Variants in DNAH11 observed in about 807,000 individuals in gnomAD.
DNAH11 encodes axonemal beta dynein heavy chain 11.
A neutral mutation model predicts 526.0 loss-of-function variants in DNAH11; 442 were observed. The ratio of observed to expected loss-of-function variants is 0.84; its 90% confidence interval spans 0.78 to 0.91. DNAH11 has a LOEUF of 0.91. DNAH11 is among the 40% of genes least tolerant of loss of function. The pLI is 0.00. For missense variants in DNAH11, 6,989 were observed against 5,448.7 expected (o/e 1.28, Z -8.90); for synonymous variants, 2,461 against 1,935.9 (o/e 1.27, Z -7.12).
intron 65 of DNAH11, among the ~76,000 whole-genome samples, chr7:21,833,609 C>G (rs1303239553): frequency 6.6e-6 from 1 of 152,078 alleles, no homozygotes; most frequent in Non-Finnish European, 1.5e-5. Flanking sequence ...GCAGGAGAAT[C>G]GCTTGAACCC....
chr7:21,795,116 G>A (rs1484634139), intron 61 of DNAH11, among the ~76,000 whole-genome samples: 2 of 152,130 alleles, frequency 1.3e-5, no homozygotes, highest in Non-Finnish European at 1.5e-5. Context: ...CCTTTCTGGT[G>A]ACATCCCTTT....
chr7:21,587,995 A>G, intron 9 of DNAH11, 69 bp from the exon 10 acceptor site: 1 of 1,469,468 alleles, frequency 6.8e-7, no homozygotes, highest in East Asian at 2.3e-5. Context: ...TTTGAAGGGG[A>G]ACATTATGAG....
chr7:21,872,902 A>T (rs1583797519), intron 73 of DNAH11, among the ~76,000 whole-genome samples: 3 of 152,252 alleles, frequency 2.0e-5, no homozygotes, highest in Middle Eastern at 6.8e-3. Flanking sequence ...TATTTTCTCA[A>T]ACTAACCCCA....
At chr7:21,820,509 T>C (rs1177615679) in intron 65 of DNAH11, among the ~76,000 whole-genome samples, 1 of 152,176 alleles carries the variant, frequency 6.6e-6, no homozygotes, top group Admixed American at 6.6e-5. Flanking sequence ...CAGAGAGCCC[T>C]AATTTCAAAT....
chr7:21,621,474 A>G (rs1671140716), intron 25 of DNAH11, among the ~76,000 whole-genome samples: 1 of 152,198 alleles, frequency 6.6e-6, no homozygotes, highest in African/African-American at 2.4e-5. Flanking sequence ...TCATTTTATG[A>G]GGCCAGCATC....
rs77737654 is a variant in DNAH11, at chr7:21,629,562, C to A, written c.4501-6309C>A. Among the ~76,000 whole-genome samples, 641 of 152,144 alleles carry A rather than the reference C, an allele frequency of 4.2e-3. 8 individuals carry two copies. The highest frequency in any genetic ancestry group is 0.015 in the African/African-American group (615 of 41,536). Reference sequence around the variant, plus strand: ...TATCTTTCCCTTTATCCCTTTAGGTCTATTAATGTTTGTGTTATATACCTG... The same window carrying A: ...TATCTTTCCCTTTATCCCTTTAGGTATATTAATGTTTGTGTTATATACCTG... On this transcript the variant is annotated intron_variant, in intron 25 of 81. Transcript: ENST00000409508.
intron 74 of DNAH11, 136 bp from the exon 75 acceptor site, chr7:21,880,566 G>A: frequency 2.4e-6 from 2 of 822,382 alleles, no homozygotes; most frequent in Non-Finnish European, 1.9e-6. Flanking sequence ...CTTCTCATTG[G>A]ATAAGTAGCC....
intron 74 of DNAH11, among the ~76,000 whole-genome samples, chr7:21,875,058 T>G (rs1301050652): frequency 6.6e-6 from 1 of 152,210 alleles, no homozygotes; most frequent in Non-Finnish European, 1.5e-5. Flanking sequence ...GAATACAGTG[T>G]TGAAGAATGC....
intron 28 of DNAH11, among the ~76,000 whole-genome samples, chr7:21,642,652 G>C (rs1787180823): frequency 6.6e-6 from 1 of 152,144 alleles, no homozygotes; most frequent in African/African-American, 2.4e-5. Context: ...CGCCCTGTGT[G>C]GGTAGATAAC....
chr7:21,698,361 G>C (rs1783937102), intron 36 of DNAH11, 148 bp downstream of exon 36: 1 of 1,132,692 alleles, frequency 8.8e-7, no homozygotes, highest in African/African-American at 1.6e-5. Flanking sequence ...GGGGGAACAG[G>C]TGTTTTTTGG....
chr7:21,581,426 C>T (rs1481538882), intron 8 of DNAH11, among the ~76,000 whole-genome samples: 2 of 152,254 alleles, frequency 1.3e-5, no homozygotes, highest in East Asian at 3.9e-4. Flanking sequence ...TCAGTTCTCA[C>T]CTGAAGAAAT....
chr7:21,713,368 G>A (rs1453868271), intron 42 of DNAH11, among the ~76,000 whole-genome samples: 2 of 152,262 alleles, frequency 1.3e-5, no homozygotes, highest in East Asian at 3.9e-4. Context: ...GGAAGTGAGA[G>A]GGAGAGAGGA....
At chr7:21,656,557 A>T (rs956717195) in intron 29 of DNAH11, among the ~76,000 whole-genome samples, 2 of 152,140 alleles carry the variant, frequency 1.3e-5, no homozygotes, top group African/African-American at 4.8e-5. Flanking sequence ...CTTAACAGTT[A>T]TCCGCAAGAA....
rs976228165 is a variant in DNAH11 at position 21,790,273 on chromosome 7, C to T, written c.10026+931C>T. ...CATCCTGGCTAACACGGTGAAACCC[C>T]GTCACTACTAAAAATACAAAAAGAA... On this transcript the variant is annotated intron_variant, in intron 61 of 81. Coordinates refer to ENST00000409508, the MANE Select transcript of DNAH11 (RefSeq NM_001277115.2). 5.9e-5 allele frequency among the ~76,000 whole-genome samples: 9 copies of T among 151,900 alleles called. No individual in the cohort carries two copies. In the East Asian group the frequency reaches 9.7e-4, roughly 16 times the overall value.
rs760400353 is a variant in DNAH11 at position 21,705,491 on chromosome 7, G to A, written c.6500G>A (p.Arg2167Gln). The A allele has an allele frequency of 2.6e-5, 42 of 1,613,578 alleles. No individual in the cohort carries two copies. Among genetic ancestry groups the A allele is most frequent in the Admixed American group, 1.3e-4 (8 of 59,972 alleles). ...CAGCTTGAGGAACTGTTGGCTGTGC[G>A]GCACTCGGTCTTTGTAGTTGGAAAT... ...VVQLEELLAV[R>Q]HSVFVVGNAG... Residue 2167 changes from arginine to glutamine, a missense_variant, in exon 39 of 82, where the codon CGG (arginine) becomes CAG (glutamine). By Grantham distance (43) the Arg-to-Gln change is conservative (BLOSUM62 1). Transcript: ENST00000409508.
intron 61 of DNAH11, among the ~76,000 whole-genome samples, chr7:21,796,238 G>A (rs902600119): frequency 1.3e-5 from 2 of 152,194 alleles, no homozygotes; most frequent in African/African-American, 4.8e-5. Context: ...TAAGGCAAAC[G>A]TAGATTCAGT....
chr7:21,736,781 G>C (rs543523991), intron 46 of DNAH11, among the ~76,000 whole-genome samples: 2 of 152,254 alleles, frequency 1.3e-5, no homozygotes, highest in Non-Finnish European at 2.9e-5. Flanking sequence ...TTGAGCCCAG[G>C]AGTTTGAGTC....
At chr7:21,871,217 C>T (rs1331162340) in intron 73 of DNAH11, among the ~76,000 whole-genome samples, 1 of 152,202 alleles carries the variant, frequency 6.6e-6, no homozygotes, top group Non-Finnish European at 1.5e-5. Context: ...CTTTATCTCA[C>T]ATGCACACCA....
intron 62 of DNAH11, among the ~76,000 whole-genome samples, chr7:21,804,877 C>G (rs1045394833): frequency 1.3e-5 from 2 of 152,200 alleles, no homozygotes; most frequent in Admixed American, 1.3e-4. Context: ...CACTCAAAGT[C>G]CAGCCTAAAG....
Sources: allele counts gnomAD v4.1 joint callset (sites outside exome capture counted in the v4.1 genomes callset), GRCh38; gene constraint gnomAD v4.1.1; transcripts MANE v1.5; gene names NCBI Gene and HGNC (gene_info 2026-07-23, HGNC 2026-07-21).